ANKRD30A: variants seen among roughly 807,000 people sequenced by gnomAD.
ANKRD30A encodes the protein ankyrin repeat domain-containing protein 30A.
A neutral mutation model predicts 166.3 loss-of-function variants in ANKRD30A; 170 were observed. The observed-to-expected ratio is 1.02, with a 90% confidence interval of 0.90 to 1.16. ANKRD30A has a LOEUF of 1.16. Ranked by LOEUF, ANKRD30A falls within the 50% of genes most tolerant of loss-of-function variation. ANKRD30A has a pLI of 0.00. For missense variants in ANKRD30A, 1,630 were observed against 1,518.0 expected, an observed-to-expected ratio of 1.07 and a Z score of -1.23; for synonymous variants, 564 against 508.9, an observed-to-expected ratio of 1.11 and a Z score of -1.46.
the ANKRD30A span, among the ~76,000 whole-genome samples, chr10:37,249,413 A>T: frequency 9.2e-5 from 14 of 152,264 alleles, no homozygotes; most frequent in African/African-American, 1.9e-4. Flanking sequence ...GGAAGTAAGT[A>T]AATAGAGCTA....
At position 37,201,267 on chromosome 10, in the gene ANKRD30A, G is replaced by C. The variant is rs561040624; in HGVS notation, c.2811G>C (p.Val937=). The C allele has an allele frequency of 6.3e-5, 100 of 1,595,046 alleles. 1 individual carries two copies. The highest frequency in any genetic ancestry group is 5.0e-4 in the Middle Eastern group (3 of 5,984). Residue 937 remains valine, a synonymous_variant, in exon 31 of 36, where the codon GTG becomes GTC. Coordinates refer to ENST00000361713, the MANE Select transcript of ANKRD30A (RefSeq NM_052997.3). ...SLRETVSQKD[V]CVPKATHQKE... ...GTGAGACTGTTTCACAGAAGGATGTGTGTGTACCCAAGGCTACACATCAAA... is the reference window on the plus strand; with the variant it reads ...GTGAGACTGTTTCACAGAAGGATGTCTGTGTACCCAAGGCTACACATCAAA...
At chr10:37,151,117 CAA>C (rs1227585442) in intron 11 of ANKRD30A, among the ~76,000 whole-genome samples, 1 of 151,184 alleles carries the variant, frequency 6.6e-6, no homozygotes, top group Non-Finnish European at 1.5e-5. Context: ...TGATGGATGT[CAA>C]ATGAGAAACG....
chr10:37,252,878 TTTG>T, the ANKRD30A span, among the ~76,000 whole-genome samples: 2 of 152,208 alleles, frequency 1.3e-5, no homozygotes, highest in African/African-American at 4.8e-5. Context: ...ATCTAACAAT[TTTG>T]TTTATTATGT....
At chr10:37,153,686 A>T (rs1298692138) in intron 13 of ANKRD30A, 24 bp downstream of exon 13, 11 of 1,609,362 alleles carry the variant, frequency 6.8e-6, no homozygotes, top group South Asian at 1.1e-5. Flanking sequence ...TTTATTTAAA[A>T]ATCAGTTGAC....
chr10:37,139,053 G>C (rs987508033), intron 6 of ANKRD30A, among the ~76,000 whole-genome samples: 1 of 152,222 alleles, frequency 6.6e-6, no homozygotes, highest in African/African-American at 2.4e-5. Flanking sequence ...CAAGCCAGAA[G>C]AGAGTGGGGG....
At chr10:37,217,025 A>T (rs1588945236) in intron 32 of ANKRD30A, among the ~76,000 whole-genome samples, 1 of 151,042 alleles carries the variant, frequency 6.6e-6, no homozygotes, top group East Asian at 1.9e-4. Flanking sequence ...TCAGAGTTCT[A>T]TGTTAAAAAT....
the ANKRD30A span, among the ~76,000 whole-genome samples, chr10:37,264,329 A>G: frequency 6.6e-6 from 1 of 152,182 alleles, no homozygotes; most frequent in Admixed American, 6.5e-5. Context: ...TACTTTGGGG[A>G]CACTCATTAC....
chr10:37,134,192 CT>C, intron 5 of ANKRD30A, 139 bp downstream of exon 5: 1 of 1,036,286 alleles, frequency 9.6e-7, no homozygotes, highest in Non-Finnish European at 1.4e-6. Flanking sequence ...GTCCAGGATT[CT>C]TTATTTTAGG....
At chr10:37,149,076 T>C (rs779836101) in intron 9 of ANKRD30A, among the ~76,000 whole-genome samples, 4 of 152,002 alleles carry the variant, frequency 2.6e-5, no homozygotes, top group Non-Finnish European at 4.4e-5. Flanking sequence ...CATGAGTGGA[T>C]CAAGAAGCAT....
intron 5 of ANKRD30A, among the ~76,000 whole-genome samples, chr10:37,134,827 T>C (rs1346129524): frequency 1.3e-5 from 2 of 152,200 alleles, no homozygotes; most frequent in Non-Finnish European, 2.9e-5. Context: ...AAATATTAAT[T>C]GTGATAGTTT....
At chr10:37,146,938 G>A (rs1390923334) in intron 8 of ANKRD30A, among the ~76,000 whole-genome samples, 1 of 152,070 alleles carries the variant, frequency 6.6e-6, no homozygotes, top group Non-Finnish European at 1.5e-5. Flanking sequence ...AAGAAGATTT[G>A]TGTCTATTTA....
intron 34 of ANKRD30A, among the ~76,000 whole-genome samples, chr10:37,223,740 A>T (rs1842997815): frequency 6.6e-6 from 1 of 151,286 alleles, no homozygotes; most frequent in South Asian, 2.1e-4. Flanking sequence ...CACATATATA[A>T]CTCATGAACT....
intron 31 of ANKRD30A, 43 bp from the exon 32 acceptor site, chr10:37,216,138 A>T (rs537383717): frequency 7.1e-7 from 1 of 1,409,850 alleles, no homozygotes; most frequent in Non-Finnish European, 9.8e-7. Context: ...TTTATATCCC[A>T]AAAGTACTAA....
At chr10:37,238,997 T>C in the ANKRD30A span, among the ~76,000 whole-genome samples, 1 of 152,096 alleles carries the variant, frequency 6.6e-6, no homozygotes, top group African/African-American at 2.4e-5. Flanking sequence ...GCTTTAAGTA[T>C]CATATTATCA....
chr10:37,234,827 C>T, downstream of ANKRD30A, among the ~76,000 whole-genome samples: 1 of 152,116 alleles, frequency 6.6e-6, no homozygotes, highest in Non-Finnish European at 1.5e-5. Context: ...AACCGTATTC[C>T]TAAGACTGTA....
the ANKRD30A span, among the ~76,000 whole-genome samples, chr10:37,258,940 G>T: frequency 7.4e-6 from 1 of 135,226 alleles, no homozygotes; most frequent in African/African-American, 2.8e-5. Flanking sequence ...CCTAGCCTGG[G>T]TGACAAAGTG....
At chr10:37,216,031 C>A in intron 31 of ANKRD30A, 150 bp from the exon 32 acceptor site, 25 of 273,340 alleles carry the variant, frequency 9.1e-5, no homozygotes, top group Non-Finnish European at 1.3e-4. Flanking sequence ...TTTTTTTTTT[C>A]TGTTTAATCT....
At chr10:37,192,016 G>A (rs1440455333) in intron 25 of ANKRD30A, among the ~76,000 whole-genome samples, 2 of 151,954 alleles carry the variant, frequency 1.3e-5, no homozygotes, top group Non-Finnish European at 2.9e-5. Context: ...TTTACTTCTA[G>A]TTTTTGATAC....
intron 13 of ANKRD30A, 97 bp from the exon 14 acceptor site, chr10:37,158,295 A>G (rs565082461): frequency 1.2e-5 from 18 of 1,488,572 alleles, no homozygotes; most frequent in Non-Finnish European, 1.5e-5. Context: ...TTGCAATCCA[A>G]GCATGAGGAT....
Sources: allele counts gnomAD v4.1 joint callset (sites outside exome capture counted in the v4.1 genomes callset), GRCh38; gene constraint gnomAD v4.1.1; transcripts MANE v1.5; gene names NCBI Gene and HGNC (gene_info 2026-07-23, HGNC 2026-07-21).